EYS: variants seen among roughly 807,000 people sequenced by gnomAD.
The protein encoded by EYS is protein eyes shut homolog.
A neutral mutation model predicts 282.1 loss-of-function variants in EYS; 250 were observed. That is an observed-to-expected ratio of 0.89 (90% CI 0.80 to 0.98). The LOEUF (loss-of-function observed/expected upper bound fraction) is 0.98, where lower values mean the gene tolerates loss of function less well. Ranked by LOEUF, EYS falls within the 50% of genes least tolerant of loss-of-function variation. The probability of loss-of-function intolerance (pLI) is 0.00; values close to 1 mark genes in which losing one functional copy is unlikely to be tolerated. For synonymous variants in EYS, 1,355 were observed against 1,282.9 expected (o/e 1.06, Z -1.20); for missense variants, 4,016 against 3,709.0 (o/e 1.08, Z -2.15).
rs149626538 is a variant in EYS, at chr6:65,176,199, C to G, written c.2024-118472G>C. Among the ~76,000 whole-genome samples the G allele has an allele frequency of 6.6e-3, 996 of 151,602 alleles. 12 individuals carry two copies. Among genetic ancestry groups the G allele is most frequent in the African/African-American group, 0.023 (948 of 41,492 alleles). On this transcript the variant is annotated intron_variant, in intron 12 of 42. Coordinates refer to ENST00000503581, the MANE Select transcript of EYS (RefSeq NM_001142800.2). ...AGATTTTCAGAAATTATTCCTCTTACATAACTAAAACTTTTTATCCCTTGA... is the reference window on the plus strand; with the variant it reads ...AGATTTTCAGAAATTATTCCTCTTAGATAACTAAAACTTTTTATCCCTTGA...
At chr6:65,666,832 A>G (rs536585927) in intron 1 of EYS, among the ~76,000 whole-genome samples, 16 of 151,372 alleles carry the variant, frequency 1.1e-4, no homozygotes, top group Admixed American at 2.6e-4. Context: ...TCATTTTATT[A>G]AGCTAAGAAA....
chr6:64,842,071 A>G (rs970993428), intron 19 of EYS, among the ~76,000 whole-genome samples: 1 of 152,092 alleles, frequency 6.6e-6, no homozygotes, highest in Non-Finnish European at 1.5e-5. Context: ...ACCAAATATC[A>G]TCAGTGTTTG....
At chr6:64,400,747 GA>G (rs1554154934) in intron 28 of EYS, among the ~76,000 whole-genome samples, 2 of 152,036 alleles carry the variant, frequency 1.3e-5, no homozygotes, top group Non-Finnish European at 2.9e-5. Flanking sequence ...AATCAGCACC[GA>G]GGGTGCTTTA....
intron 8 of EYS, among the ~76,000 whole-genome samples, chr6:65,361,141 C>T (rs1451810997): frequency 1.3e-5 from 2 of 151,362 alleles, no homozygotes; most frequent in Non-Finnish European, 2.9e-5. Context: ...TGTTCTCACT[C>T]ATAGGTGGGA....
At chr6:65,343,948 T>A in intron 10 of EYS, 90 bp downstream of exon 10, 1 of 1,120,412 alleles carries the variant, frequency 8.9e-7, no homozygotes, top group Non-Finnish European at 1.4e-6. Context: ...TATTTAAGAA[T>A]CTGTAACCTA....
chr6:65,382,218 T>G (rs916902692), intron 8 of EYS, among the ~76,000 whole-genome samples: 4 of 150,698 alleles, frequency 2.7e-5, no homozygotes, highest in Non-Finnish European at 5.9e-5. Flanking sequence ...TTGGTGTTTT[T>G]TTTTTTTTTT....
rs1223334043 is a variant in EYS at position 65,054,484 on chromosome 6, C to T, written c.2137+3130G>A. 3.3e-5 allele frequency among the ~76,000 whole-genome samples: 5 copies of T among 152,014 alleles called. No individual in the cohort carries two copies. The South Asian group carries it at 6.2e-4, about 19-fold the overall frequency. On this transcript the variant is annotated intron_variant, in intron 13 of 42. Coordinates refer to ENST00000503581, the MANE Select transcript of EYS (RefSeq NM_001142800.2). Reference sequence around the variant, plus strand: ...TTTTCTGTTGGTCAGAATTCATTCACGTGGTCTCATCTACATACAAGATAA... The same window carrying T: ...TTTTCTGTTGGTCAGAATTCATTCATGTGGTCTCATCTACATACAAGATAA...
chr6:65,191,531 T>C (rs1225573237), intron 12 of EYS, among the ~76,000 whole-genome samples: 1 of 151,854 alleles, frequency 6.6e-6, no homozygotes, highest in African/African-American at 2.4e-5. Context: ...AATTATGTTC[T>C]TTCAACTGTG....
intron 31 of EYS, among the ~76,000 whole-genome samples, chr6:64,215,150 T>C (rs1343792702): frequency 1.3e-5 from 2 of 152,006 alleles, no homozygotes; most frequent in East Asian, 1.9e-4. Flanking sequence ...TAAGTATTTA[T>C]GAATATATGA....
At chr6:65,272,024 T>G (rs1180605107) in intron 12 of EYS, among the ~76,000 whole-genome samples, 3 of 152,154 alleles carry the variant, frequency 2.0e-5, no homozygotes, top group African/African-American at 7.2e-5. Flanking sequence ...ACATACAGCT[T>G]TCAGATTGTG....
intron 14 of EYS, among the ~76,000 whole-genome samples, chr6:64,955,472 T>TTCTTG (rs1769667277): frequency 6.6e-6 from 1 of 152,096 alleles, no homozygotes; most frequent in Non-Finnish European, 1.5e-5. Flanking sequence ...GCAGTGCGCA[T>TTCTTG]GGAAACACAC....
chr6:65,135,033 G>A (rs1775983966), intron 12 of EYS, among the ~76,000 whole-genome samples: 2 of 151,994 alleles, frequency 1.3e-5, no homozygotes, highest in Non-Finnish European at 2.9e-5. Flanking sequence ...GATTTAGGTT[G>A]GAACTCTTGC....
chr6:63,805,250 G>C (rs112741702), intron 37 of EYS, among the ~76,000 whole-genome samples: 42 of 152,268 alleles, frequency 2.8e-4, no homozygotes, highest in Middle Eastern at 3.4e-3. Context: ...GTAAAACATA[G>C]GTAATTTTCC....
chr6:64,945,555 A>G (rs1354813371), intron 15 of EYS, among the ~76,000 whole-genome samples: 2 of 152,106 alleles, frequency 1.3e-5, no homozygotes, highest in African/African-American at 4.8e-5. Context: ...TTGTATCATT[A>G]CCATATTGGA....
chr6:65,238,478 T>C (rs945449871), intron 12 of EYS, among the ~76,000 whole-genome samples: 3 of 152,030 alleles, frequency 2.0e-5, no homozygotes, highest in African/African-American at 7.2e-5. Flanking sequence ...TTTGTGATCA[T>C]ACCCAAATTA....
chr6:65,216,752 G>T (rs561513505), intron 12 of EYS, among the ~76,000 whole-genome samples: 1 of 151,734 alleles, frequency 6.6e-6, no homozygotes, highest in South Asian at 2.1e-4. Context: ...ATCTTAAACT[G>T]TTATAATTTA....
chr6:65,211,181 C>A (rs1766168340), intron 12 of EYS, among the ~76,000 whole-genome samples: 2 of 152,146 alleles, frequency 1.3e-5, no homozygotes, highest in East Asian at 1.9e-4. Flanking sequence ...ATTGGAGTTA[C>A]AGGAACCTTG....
rs930606980 is a variant in EYS at position 64,077,881 on chromosome 6, G to A, written c.6571+3975C>T. Among the ~76,000 whole-genome samples the A allele has an allele frequency of 3.3e-5, 5 of 152,084 alleles. No individual in the cohort carries two copies. The South Asian group carries it at 1.0e-3, about 32-fold the overall frequency. On this transcript the variant is annotated intron_variant, in intron 32 of 42. Transcript: ENST00000503581. ...GACTAGGTTCCAGAATTCTGAATTG[G>A]TTCAGTGGCAGATTCAAAAAGCTTT...
chr6:64,705,870 G>T (rs926437589), intron 22 of EYS, among the ~76,000 whole-genome samples: 5 of 147,784 alleles, frequency 3.4e-5, no homozygotes, highest in African/African-American at 1.2e-4. Flanking sequence ...AGCATTGGGA[G>T]ATATACCTAA....
Sources: allele counts gnomAD v4.1 joint callset (sites outside exome capture counted in the v4.1 genomes callset), GRCh38; gene constraint gnomAD v4.1.1; transcripts MANE v1.5; gene names NCBI Gene and HGNC (gene_info 2026-07-23, HGNC 2026-07-21).